The following DBF4 variants were observed in gnomAD, a reference collection of about 807,000 sequenced individuals.
The protein encoded by DBF4 is protein DBF4 homolog A.
A neutral mutation model predicts 76.6 loss-of-function variants in DBF4; 25 were observed. The ratio of observed to expected loss-of-function variants is 0.33; its 90% CI spans 0.24 to 0.46. The LOEUF (loss-of-function observed/expected upper bound fraction) is 0.46. Ranked by LOEUF, DBF4 falls within the 20% of genes least tolerant of loss-of-function variation. DBF4 has a pLI of 1.00. For missense variants in DBF4, 638 were observed against 760.8 expected (o/e 0.84, Z 1.90); for synonymous variants, 213 against 258.0 (o/e 0.83, Z 1.67).
chr7:87,884,881 G>T, intron 2 of DBF4, 98 bp from the exon 3 acceptor site: 1 of 886,042 alleles, frequency 1.1e-6, no homozygotes, highest in South Asian at 1.9e-5. Context: ...AGGCTGCAGT[G>T]AGCTATGATT....
In DBF4 at chr7:87,907,876, A is replaced by G. The variant is rs1839950368; in HGVS notation, c.1738A>G (p.Ile580Val). Reference protein sequence around the residue: ...PSGKIHRKVKIILGRNRKENL... With the variant: ...PSGKIHRKVKVILGRNRKENL... ...TGGTAAAATACATCGAAAAGTGAAAATAATATTAGGACGAAATAGAAAAGA... is the reference window on the plus strand; with the variant it reads ...TGGTAAAATACATCGAAAAGTGAAAGTAATATTAGGACGAAATAGAAAAGA... The change falls in exon 12 of 12, where the codon ATA becomes GTA. Residue 580 changes from isoleucine to valine, a missense_variant. Ile to Val is a conservative substitution (Grantham distance 29). Transcript: ENST00000265728. The G allele has an allele frequency of 4.3e-6, 7 of 1,613,648 alleles. No homozygotes were observed. Among genetic ancestry groups the G allele is most frequent in the Non-Finnish European group, 5.9e-6 (7 of 1,179,896 alleles).
At chr7:87,888,108 C>T (rs1246809513) in intron 6 of DBF4, 49 bp downstream of exon 6, 2 of 1,511,062 alleles carry the variant, frequency 1.3e-6, no homozygotes, top group East Asian at 2.4e-5. Flanking sequence ...GGTTTTTTTA[C>T]TTACGTATTT....
chr7:87,903,060 G>T (rs978843376), intron 10 of DBF4, among the ~76,000 whole-genome samples: 1 of 151,924 alleles, frequency 6.6e-6, no homozygotes, highest in Non-Finnish European at 1.5e-5. Flanking sequence ...GTTTACTTTT[G>T]GTTTTGACCA....
intron 6 of DBF4, among the ~76,000 whole-genome samples, chr7:87,891,766 TCA>T (rs1240760355): frequency 1.3e-5 from 2 of 152,188 alleles, no homozygotes; most frequent in Non-Finnish European, 2.9e-5. Context: ...TTTTCTGTTT[TCA>T]GTTTTATTGA....
At chr7:87,888,154 G>A (rs17150006) in intron 6 of DBF4, 95 bp downstream of exon 6, 44,376 of 1,403,538 alleles carry the variant, frequency 0.032, 1,037 homozygotes, top group East Asian at 0.1. Context: ...ATATCCTAGG[G>A]GCAAGCCTGT....
chr7:87,885,207 G>T (rs781719225), intron 3 of DBF4, 49 bp downstream of exon 3: 1 of 1,460,062 alleles, frequency 6.8e-7, no homozygotes, highest in Non-Finnish European at 9.3e-7. Flanking sequence ...ATATCCTGAA[G>T]ATCTCCTGGT....
chr7:87,891,234 G>A (rs1839480407), intron 6 of DBF4, among the ~76,000 whole-genome samples: 1 of 148,394 alleles, frequency 6.7e-6, no homozygotes, highest in Non-Finnish European at 1.5e-5. Flanking sequence ...ACATACATGT[G>A]CAGGAGGAAT....
chr7:87,904,482 G>A (rs1264208499), intron 11 of DBF4, 66 bp downstream of exon 11: 25 of 1,518,736 alleles, frequency 1.6e-5, no homozygotes, highest in Non-Finnish European at 2.1e-5. Context: ...GCTCATGCCT[G>A]TAATCCCAGC....
chr7:87,891,687 C>A (rs1284056237), intron 6 of DBF4, among the ~76,000 whole-genome samples: 1 of 152,044 alleles, frequency 6.6e-6, no homozygotes, highest in African/African-American at 2.4e-5. Flanking sequence ...GTCAATCTGG[C>A]TAGTTTTACC....
At chr7:87,905,013 T>C (rs1481786144) in intron 11 of DBF4, among the ~76,000 whole-genome samples, 1 of 152,144 alleles carries the variant, frequency 6.6e-6, no homozygotes, top group Non-Finnish European at 1.5e-5. Flanking sequence ...TGCAGTTGCA[T>C]AATCTTGGCT....
intron 6 of DBF4, among the ~76,000 whole-genome samples, chr7:87,893,800 C>G (rs921006976): frequency 5.3e-5 from 8 of 152,156 alleles, no homozygotes; most frequent in African/African-American, 1.9e-4. Context: ...GTGATTTATA[C>G]TTAATGTAAC....
In DBF4 at chr7:87,897,264, A is replaced by G. The variant is rs970065354; in HGVS notation, c.635-30A>G. ...AAAAAAAAAGAATCCTGAATTTGCA[A>G]GTATCTAATATGTTTTCTATGTTCT... On this transcript the variant is annotated intron_variant, in intron 7 of 11. Coordinates refer to ENST00000265728, the MANE Select transcript of DBF4 (RefSeq NM_006716.4). 8 of 1,574,836 alleles carry G rather than the reference A, an allele frequency of 5.1e-6. No individual in the cohort carries two copies. In the Admixed American group the frequency reaches 5.8e-5, roughly 11 times the overall value.
chr7:87,895,716 C>T (rs923465075), intron 6 of DBF4, among the ~76,000 whole-genome samples: 9 of 152,138 alleles, frequency 5.9e-5, no homozygotes, highest in Non-Finnish European at 8.8e-5. Flanking sequence ...GGATCAATCT[C>T]CAGCTTGCAG....
At chr7:87,895,042 CTTTTCCTT>C (rs1839599248) in intron 6 of DBF4, among the ~76,000 whole-genome samples, 1 of 152,124 alleles carries the variant, frequency 6.6e-6, no homozygotes, top group East Asian at 1.9e-4. Context: ...CCCTGTGGCT[CTTTTCCTT>C]TTTTCCTTAG....
Position 87,897,323 on chromosome 7 carries a change from G to T in DBF4, c.664G>T (p.Val222Leu). Residue 222 changes from valine to leucine, a missense_variant, in exon 8 of 12, where the codon GTG becomes TTG. Coordinates refer to ENST00000265728, the MANE Select transcript of DBF4 (RefSeq NM_006716.4). ...TGRLKKPFVK[V>L]EDMSQLYRPF... Reference sequence around the variant, plus strand: ...AAGACTCAAAAAGCCTTTTGTAAAGGTGGAAGATATGAGCCAGTAAGTATT... The same window carrying T: ...AAGACTCAAAAAGCCTTTTGTAAAGTTGGAAGATATGAGCCAGTAAGTATT... 1 of 1,612,628 alleles carries T rather than the reference G, an allele frequency of 6.2e-7. No homozygotes were observed. The highest frequency in any genetic ancestry group is 8.5e-7 in the Non-Finnish European group (1 of 1,179,554).
At chr7:87,878,777 G>C (rs1478688620) in intron 2 of DBF4, among the ~76,000 whole-genome samples, 1 of 152,166 alleles carries the variant, frequency 6.6e-6, no homozygotes, top group African/African-American at 2.4e-5. Flanking sequence ...AAAATTCTAG[G>C]ACCTTAATAG....
chr7:87,888,170 A>T lies in DBF4; in HGVS notation c.597+111A>T. 2.3e-6 allele frequency: 3 copies of T among 1,331,180 alleles called. No homozygotes were observed. In the South Asian group the frequency reaches 5.4e-5, roughly 24 times the overall value. The allele number at this position is 1,331,180 out of a possible 1,614,324, so 82.5% of individuals were successfully genotyped here. A position where few individuals can be genotyped will look rare whatever the true frequency, so the allele number is the denominator to read the frequency against. On this transcript the variant is annotated intron_variant, in intron 6 of 11. Coordinates refer to ENST00000265728, the MANE Select transcript of DBF4 (RefSeq NM_006716.4). ...TATCCTAGGGGCAAGCCTGTGTATG[A>T]TGTGCCTGTTTCTGTTATTCAAATA...
intron 3 of DBF4, among the ~76,000 whole-genome samples, chr7:87,886,201 A>G (rs552629301): frequency 6.6e-6 from 1 of 152,286 alleles, no homozygotes; most frequent in East Asian, 1.9e-4. Flanking sequence ...ATTGTTGGTT[A>G]TGGCATTTCA....
chr7:87,885,540 A>T (rs1839325270), intron 3 of DBF4, among the ~76,000 whole-genome samples: 1 of 152,186 alleles, frequency 6.6e-6, no homozygotes, highest in Non-Finnish European at 1.5e-5. Flanking sequence ...TTTTTGTACA[A>T]CCTGCAGGTT....
Sources: allele counts gnomAD v4.1 joint callset (sites outside exome capture counted in the v4.1 genomes callset), GRCh38; gene constraint gnomAD v4.1.1; transcripts MANE v1.5; gene names NCBI Gene and HGNC (gene_info 2026-07-23, HGNC 2026-07-21).